The following CNIH3 variants were observed in gnomAD, a reference collection of about 807,000 sequenced individuals.
The protein encoded by CNIH3 is cornichon family AMPA receptor auxiliary protein 3.
Under a neutral mutation model 24.1 loss-of-function variants are expected in CNIH3, and 14 were observed. The ratio of observed to expected loss-of-function variants is 0.58; its 90% confidence interval spans 0.38 to 0.91. The LOEUF is 0.91. CNIH3 is among the 40% of genes least tolerant of loss of function. The pLI, the probability that CNIH3 is intolerant of heterozygous loss-of-function variation, is 0.00. For missense variants in CNIH3, 178 were observed against 196.8 expected (o/e 0.90, Z 0.57); for synonymous variants, 68 against 73.8 (o/e 0.92, Z 0.40).
At chr1:224,449,124 C>T (rs578058963) in intron 1 of CNIH3, among the ~76,000 whole-genome samples, 31 of 152,142 alleles carry the variant, frequency 2.0e-4, no homozygotes, top group Non-Finnish European at 3.2e-4. Flanking sequence ...GCCACCATGA[C>T]CGGCTAATTT....
intron 2 of CNIH3, among the ~76,000 whole-genome samples, chr1:224,530,909 T>A (rs12120115): frequency 0.061 from 9,306 of 152,288 alleles, 377 homozygotes; most frequent in Non-Finnish European, 0.097. Flanking sequence ...ACCCTACATT[T>A]CTTACTGTAA....
rs114465026 is a variant in CNIH3, at chr1:224,478,665, G to C, written n.204-37076G>C. On this transcript the variant is annotated intron_variant and non_coding_transcript_variant, in intron 1 of 5. Transcript: ENST00000471578. ...TGGTTCCTGGTACCTTATTTAGTTCGTTTGCTGAGGTCCTGGATAGTCTTG... is the reference window on the plus strand; with the variant it reads ...TGGTTCCTGGTACCTTATTTAGTTCCTTTGCTGAGGTCCTGGATAGTCTTG... Among the ~76,000 whole-genome samples, 1,027 of 152,168 alleles carry C rather than the reference G, an allele frequency of 6.7e-3. 9 individuals are homozygous for C. Among genetic ancestry groups the C allele is most frequent in the African/African-American group, 0.023 (965 of 41,520 alleles).
chr1:224,518,415 G>A (rs992982589), intron 1 of CNIH3, among the ~76,000 whole-genome samples: 3 of 151,970 alleles, frequency 2.0e-5, no homozygotes, highest in East Asian at 1.9e-4. Context: ...CTGTAGCCTC[G>A]GACTCTTGGG....
chr1:224,442,986 A>C (rs146868259), intron 1 of CNIH3, among the ~76,000 whole-genome samples: 23 of 152,304 alleles, frequency 1.5e-4, no homozygotes, highest in Admixed American at 5.2e-4. Flanking sequence ...GTAGTAGGTA[A>C]GTAAGCCCAT....
rs548429228 is a variant in CNIH3, at chr1:224,458,656, T to G, written n.203+23794T>G. Among the ~76,000 whole-genome samples the G allele has an allele frequency of 2.6e-5, 4 of 152,322 alleles. No homozygotes were observed. The South Asian group carries it at 8.3e-4, about 32-fold the overall frequency. ...TGATAACATACTGAACTCACTTTTA[T>G]GAATTTGTTGAGACCTTACCACTTT... On this transcript the variant is annotated intron_variant and non_coding_transcript_variant, in intron 1 of 5. Coordinates refer to the CNIH3 transcript ENST00000471578. This position sits in a 1 kb window ranked among gnomAD's most constrained non-coding sequence, Gnocchi z 4.3.
intron 2 of CNIH3, among the ~76,000 whole-genome samples, chr1:224,536,210 C>G (rs1406481721): frequency 6.6e-6 from 1 of 151,914 alleles, no homozygotes; most frequent in Non-Finnish European, 1.5e-5. Context: ...GAAAAAGTCT[C>G]CCTTTCAAGC....
At chr1:224,531,553 T>A (rs1014337269) in intron 2 of CNIH3, among the ~76,000 whole-genome samples, 1 of 152,090 alleles carries the variant, frequency 6.6e-6, no homozygotes, top group Non-Finnish European at 1.5e-5. Context: ...CTGGAATGAG[T>A]CAAGGGAGGA....
intron 1 of CNIH3, among the ~76,000 whole-genome samples, chr1:224,455,609 A>G (rs1458366036): frequency 1.3e-5 from 2 of 152,162 alleles, no homozygotes; most frequent in Non-Finnish European, 2.9e-5. Context: ...CCCAGTGTAG[A>G]TGAGGGTGAT....
rs543480132 is a variant in CNIH3 at position 224,576,056 on chromosome 1, G to A, written n.517-7108G>A. On this transcript the variant is annotated intron_variant and non_coding_transcript_variant, in intron 4 of 5. Coordinates refer to the CNIH3 transcript ENST00000471578. ...TTATGGGAAACTGAGACTTAGGTAA[G>A]TTAAGTCTCTTAACTACTAAACCTT... Among the ~76,000 whole-genome samples, 12 of 152,300 alleles carry A rather than the reference G, an allele frequency of 7.9e-5. No homozygotes were observed. In the South Asian group the frequency reaches 1.9e-3, roughly 24 times the overall value.
chr1:224,435,221 A>C, intron 1 of CNIH3: 1 of 986,098 alleles, frequency 1.0e-6, no homozygotes, highest in African/African-American at 1.7e-5. Flanking sequence ...GAGCTTCGAC[A>C]GGCAGGAACT....
At chr1:224,645,816 CT>C (rs772943255) in intron 1 of CNIH3, among the ~76,000 whole-genome samples, 4 of 152,214 alleles carry the variant, frequency 2.6e-5, no homozygotes, top group Non-Finnish European at 5.9e-5. Context: ...AGTACATTTT[CT>C]TTCTCTGGCC....
intron 1 of CNIH3, among the ~76,000 whole-genome samples, chr1:224,651,897 T>C (rs1684875843): frequency 6.6e-6 from 1 of 152,192 alleles, no homozygotes; most frequent in African/African-American, 2.4e-5. Flanking sequence ...TATTATTAGA[T>C]TGCTTTCCAA....
At chr1:224,695,341 A>G (rs920874643) in intron 3 of CNIH3, among the ~76,000 whole-genome samples, 3 of 142,622 alleles carry the variant, frequency 2.1e-5, no homozygotes, top group African/African-American at 7.7e-5. Flanking sequence ...TGTTCCTTAA[A>G]ATCTCTCTCT....
At chr1:224,531,858 G>T (rs1679084225) in intron 2 of CNIH3, among the ~76,000 whole-genome samples, 1 of 152,138 alleles carries the variant, frequency 6.6e-6, no homozygotes, top group Non-Finnish European at 1.5e-5. Flanking sequence ...CGAAGTGGAG[G>T]AAGTCTATTT....
chr1:224,723,804 C>T (rs1016485172), intron 3 of CNIH3, among the ~76,000 whole-genome samples: 8 of 152,224 alleles, frequency 5.3e-5, no homozygotes, highest in African/African-American at 1.9e-4. Flanking sequence ...AAGATCAAAG[C>T]AATACTTGGT....
intron 3 of CNIH3, among the ~76,000 whole-genome samples, chr1:224,602,842 G>A (rs780604039): frequency 6.6e-6 from 1 of 152,194 alleles, no homozygotes; most frequent in Non-Finnish European, 1.5e-5. Context: ...GATAAAGGCT[G>A]GTTAGTAAAG....
intron 1 of CNIH3, among the ~76,000 whole-genome samples, chr1:224,474,065 TA>T (rs1279299604): frequency 1.3e-5 from 2 of 152,036 alleles, no homozygotes; most frequent in Non-Finnish European, 2.9e-5. Context: ...AATGAAGAGA[TA>T]AAAAAACGAA....
intron 1 of CNIH3, among the ~76,000 whole-genome samples, chr1:224,648,557 G>A (rs1684725081): frequency 6.6e-6 from 1 of 152,138 alleles, no homozygotes; most frequent in Non-Finnish European, 1.5e-5. Flanking sequence ...TACTGTAATA[G>A]GCATTCTTCA....
chr1:224,685,716 T>A (rs895900736), intron 3 of CNIH3, among the ~76,000 whole-genome samples: 3 of 152,206 alleles, frequency 2.0e-5, no homozygotes, highest in Non-Finnish European at 2.9e-5. Context: ...TTAAAGTTTT[T>A]TCTGTATTTC....
Sources: allele counts gnomAD v4.1 joint callset (sites outside exome capture counted in the v4.1 genomes callset), GRCh38; gene constraint gnomAD v4.1.1; non-coding constraint Gnocchi (gnomAD v3.1); transcripts MANE v1.5; gene names NCBI Gene and HGNC (gene_info 2026-07-23, HGNC 2026-07-21).